Variants in NETO1 observed in about 807,000 individuals in gnomAD.
NETO1 encodes neuropilin and tolloid like 1.
A neutral mutation model predicts 61.3 loss-of-function variants in NETO1; 26 were observed. The observed-to-expected ratio is 0.42, with a 90% CI of 0.31 to 0.59. The LOEUF (loss-of-function observed/expected upper bound fraction) is 0.59, where lower values mean the gene tolerates loss of function less well. Among genes scored for constraint, NETO1 ranks in the 20% least tolerant of loss-of-function variants. The pLI, the probability that NETO1 is intolerant of heterozygous loss-of-function variation, is 0.12. For missense variants in NETO1, 531 were observed against 662.8 expected (o/e 0.80, Z 2.18); for synonymous variants, 225 against 225.8 (o/e 1.00, Z 0.03).
intron 1 of NETO1, 21 bp from the exon 2 acceptor site, chr18:72,865,262 T>C (rs1345648728): frequency 6.3e-7 from 1 of 1,583,330 alleles, no homozygotes; most frequent in Non-Finnish European, 8.7e-7. Context: ...AAAGAAAAAT[T>C]AGAGATAAAA....
intron 6 of NETO1, among the ~76,000 whole-genome samples, chr18:72,792,230 G>C (rs2072144686): frequency 6.6e-6 from 1 of 152,026 alleles, no homozygotes; most frequent in South Asian, 2.1e-4. Flanking sequence ...TCAAGAGTTC[G>C]AGACCAGCCT....
intron 4 of NETO1, among the ~76,000 whole-genome samples, chr18:72,851,204 G>T (rs1255707284): frequency 1.3e-5 from 2 of 152,140 alleles, no homozygotes; most frequent in African/African-American, 4.8e-5. Context: ...CTGAGGTCGG[G>T]AGTTCGAGAC....
chr18:72,779,555 T>C (rs549789801), intron 7 of NETO1, among the ~76,000 whole-genome samples: 13 of 152,242 alleles, frequency 8.5e-5, no homozygotes, highest in African/African-American at 2.9e-4. Flanking sequence ...CCCACCCATT[T>C]CCAAGTAGTA....
chr18:72,864,809 T>C lies in NETO1; in HGVS notation c.219A>G (p.Glu73=), dbSNP rs752417417. 6.2e-7 allele frequency: 1 copy of C among 1,613,746 alleles called. No individual in the cohort carries two copies. Among genetic ancestry groups the C allele is most frequent in the Admixed American group, 1.7e-5 (1 of 59,914 alleles). ...PPDRECIYII[E]AAPRQCIELY... ...AACTCTGGCACTGTCTCCCCTTACCTTCTATGATGTAGATGCATTCCCGGT... is the reference window on the plus strand; with the variant it reads ...AACTCTGGCACTGTCTCCCCTTACCCTCTATGATGTAGATGCATTCCCGGT... Residue 73 remains glutamate, a splice_region_variant and synonymous_variant, in exon 3 of 11, where the codon GAA becomes GAG. Coordinates refer to ENST00000327305, the MANE Select transcript of NETO1 (RefSeq NM_138966.5).
rs1291211063 is a variant in NETO1 at position 72,748,044 on chromosome 18, T to C, written c.*135A>G. 2.8e-6 allele frequency: 2 copies of C among 702,636 alleles called. No homozygotes were observed. Among genetic ancestry groups the C allele is most frequent in the Non-Finnish European group, 3.5e-6 (2 of 571,652 alleles). The allele number at this position is 702,636 out of a possible 1,614,324, so 43.5% of individuals were successfully genotyped here. A position where few individuals can be genotyped will look rare whatever the true frequency, so the allele number is the denominator to read the frequency against. On this transcript the variant is annotated 3_prime_UTR_variant, in exon 11 of 11. Coordinates refer to ENST00000327305, the MANE Select transcript of NETO1 (RefSeq NM_138966.5). ...GATGTCTTGCCGAAGGAATAACAAATGTCTGTAATTCTTAAGTTTGGATAA... is the reference window on the plus strand; with the variant it reads ...GATGTCTTGCCGAAGGAATAACAAACGTCTGTAATTCTTAAGTTTGGATAA...
At chr18:72,761,677 C>A (rs2070977747) in intron 7 of NETO1, among the ~76,000 whole-genome samples, 1 of 152,130 alleles carries the variant, frequency 6.6e-6, no homozygotes, top group African/African-American at 2.4e-5. Context: ...ATAACAGGGA[C>A]AGTATCAGCT....
At chr18:72,859,106 C>A in intron 3 of NETO1, 32 bp from the exon 4 acceptor site, 3 of 1,536,576 alleles carry the variant, frequency 2.0e-6, no homozygotes, top group South Asian at 1.3e-5. Context: ...TCTAGGAGGT[C>A]ATTTCTTACA....
chr18:72,848,814 TGAC>T (rs1465432750), intron 4 of NETO1, among the ~76,000 whole-genome samples: 2 of 152,238 alleles, frequency 1.3e-5, no homozygotes, highest in Non-Finnish European at 2.9e-5. Context: ...TTGAAAGTTC[TGAC>T]GCCCTTTTTC....
rs941722880 is a variant in NETO1, at chr18:72,750,862, C to T, written c.983-242G>A. On this transcript the variant is annotated intron_variant, in intron 8 of 10. Transcript: ENST00000327305. ...CCTCCCTCCCCATTGCCCAGCATCT[C>T]AGCTTAAAATACACACACACACACA... is the stretch of plus-strand genomic sequence containing the variant. Among the ~76,000 whole-genome samples the T allele has an allele frequency of 4.8e-5, 7 of 144,898 alleles. No individual in the cohort carries two copies. In the Admixed American group the frequency reaches 5.0e-4, roughly 10 times the overall value.
At chr18:72,743,135 G>A (rs911934623), downstream of NETO1, among the ~76,000 whole-genome samples, 1 of 152,164 alleles carries the variant, frequency 6.6e-6, no homozygotes, top group Non-Finnish European at 1.5e-5. Context: ...TGAATAAAGT[G>A]TAAATTCCTT....
At chr18:72,752,283 T>A (rs894693688) in intron 8 of NETO1, among the ~76,000 whole-genome samples, 1 of 152,174 alleles carries the variant, frequency 6.6e-6, no homozygotes, top group Non-Finnish European at 1.5e-5. Flanking sequence ...TCTTGGGCAC[T>A]GTCAAAAGCA....
chr18:72,807,513 AC>A (rs1490586025), intron 4 of NETO1, among the ~76,000 whole-genome samples: 2 of 152,208 alleles, frequency 1.3e-5, no homozygotes, highest in African/African-American at 4.8e-5. Flanking sequence ...ACACGAGTAC[AC>A]AGAAGTTGGA....
chr18:72,829,149 A>G, intron 4 of NETO1, among the ~76,000 whole-genome samples: 1 of 152,238 alleles, frequency 6.6e-6, no homozygotes, highest in East Asian at 1.9e-4. Context: ...AAACACAATC[A>G]TTATAAAAAA....
At chr18:72,838,408 TGATATGCCACCTG>T (rs1432899799) in intron 4 of NETO1, among the ~76,000 whole-genome samples, 1 of 152,220 alleles carries the variant, frequency 6.6e-6, no homozygotes. Context: ...TTCATCTCCC[TGATATGCCACCTG>T]GATGGGCAGG....
chr18:72,822,788 T>C (rs961663740), intron 4 of NETO1, among the ~76,000 whole-genome samples: 1 of 152,168 alleles, frequency 6.6e-6, no homozygotes, highest in African/African-American at 2.4e-5. Context: ...TTTGTACATA[T>C]AATCATATTT....
intron 4 of NETO1, chr18:72,834,098 T>C: frequency 1.1e-6 from 1 of 941,628 alleles, no homozygotes; most frequent in Middle Eastern, 5.5e-4. Flanking sequence ...TATTATTGTC[T>C]TGGCAGACTT....
intron 4 of NETO1, among the ~76,000 whole-genome samples, chr18:72,839,844 A>G (rs1453770817): frequency 1.3e-5 from 2 of 152,170 alleles, no homozygotes; most frequent in African/African-American, 2.4e-5. Flanking sequence ...TGTATTTACC[A>G]TAATTATATT....
chr18:72,839,568 C>T (rs2073856464), intron 4 of NETO1, among the ~76,000 whole-genome samples: 1 of 152,068 alleles, frequency 6.6e-6, no homozygotes, highest in Non-Finnish European at 1.5e-5. Flanking sequence ...GATCCAGGGC[C>T]TATCAGAACA....
intron 7 of NETO1, among the ~76,000 whole-genome samples, chr18:72,772,837 A>C (rs1294059877): frequency 0.1 from 1,596 of 15,688 alleles, 10 homozygotes; most frequent in African/African-American, 0.13. Context: ...ATATATATAT[A>C]TATATATATA....
Sources: gnomAD v4.1 joint callset for allele counts (sites outside exome capture counted in the v4.1 genomes callset) on GRCh38, gnomAD v4.1.1 for gene constraint, MANE v1.5 for transcripts, NCBI Gene and HGNC (gene_info 2026-07-23, HGNC 2026-07-21) for gene names.